Variants in AAMDC observed in about 807,000 individuals in gnomAD.
The protein encoded by AAMDC is adipogenesis associated Mth938 domain containing.
In AAMDC, 16 loss-of-function variants were observed where a neutral mutation model predicts 15.5. The observed-to-expected ratio is 1.03, with a 90% confidence interval of 0.70 to 1.57. AAMDC has a LOEUF of 1.57. AAMDC is among the 40% of genes most tolerant of loss of function. AAMDC has a pLI of 0.00. For missense variants in AAMDC, 141 were observed against 144.9 expected (o/e 0.97, Z 0.14); for synonymous variants, 51 against 51.6 (o/e 0.99, Z 0.05).
At chr11:77,845,119 A>T (rs1950088335) in intron 2 of AAMDC, among the ~76,000 whole-genome samples, 1 of 152,138 alleles carries the variant, frequency 6.6e-6, no homozygotes, top group African/African-American at 2.4e-5. Flanking sequence ...GAGCTTCATG[A>T]AGATGTAGAT....
At chr11:77,827,340 A>T (rs1259659611) in intron 1 of AAMDC, among the ~76,000 whole-genome samples, 1 of 152,188 alleles carries the variant, frequency 6.6e-6, no homozygotes, top group East Asian at 1.9e-4. Context: ...AAATATCACA[A>T]GGAAAGCCCA....
chr11:77,863,813 C>G (rs1950990398), intron 2 of AAMDC, among the ~76,000 whole-genome samples: 1 of 152,092 alleles, frequency 6.6e-6, no homozygotes, highest in Non-Finnish European at 1.5e-5. Flanking sequence ...CTCTGCCTAC[C>G]CCTATAACTC....
chr11:77,877,116 C>A, downstream of AAMDC: 1 of 689,902 alleles, frequency 1.4e-6, no homozygotes. Flanking sequence ...CTTTCGCACT[C>A]ATGACCTCGT....
intron 1 of AAMDC, among the ~76,000 whole-genome samples, chr11:77,828,126 C>T (rs943173791): frequency 6.6e-6 from 1 of 151,456 alleles, no homozygotes; most frequent in Non-Finnish European, 1.5e-5. Context: ...ATACAAAAAA[C>T]TAGCTGGGCA....
intron 5 of AAMDC, among the ~76,000 whole-genome samples, chr11:77,883,286 G>C (rs952197527): frequency 3.9e-5 from 6 of 152,244 alleles, no homozygotes; most frequent in African/African-American, 1.4e-4. Context: ...TCTGCAGACT[G>C]AGGTCTTCTT....
chr11:77,842,531 G>A lies in AAMDC; in HGVS notation c.35G>A (p.Gly12Glu), dbSNP rs1296609111. 1.2e-5 allele frequency: 19 copies of A among 1,613,804 alleles called. No individual in the cohort carries two copies. Among genetic ancestry groups the A allele is most frequent in the Non-Finnish European group, 6.8e-6 (8 of 1,179,992 alleles). Reference sequence around the variant, plus strand: ...CCTGAAATTGCTTCCTTATCATGGGGGCAAATGAAAGTAAAAGGCTCTAAT... The same window carrying A: ...CCTGAAATTGCTTCCTTATCATGGGAGCAAATGAAAGTAAAAGGCTCTAAT... ...TSPEIASLSW[G>E]QMKVKGSNTT... is the part of the protein sequence containing the mutation. Residue 12 changes from glycine (G) to glutamate (E), a missense_variant, in exon 2 of 4, where the codon GGG becomes GAG. Transcript: ENST00000393427.
chr11:77,873,619 T>C (rs1803754173), downstream of AAMDC, among the ~76,000 whole-genome samples: 1 of 152,198 alleles, frequency 6.6e-6, no homozygotes, highest in Non-Finnish European at 1.5e-5. Context: ...TTATGTTGTA[T>C]GAGAGAAAGA....
chr11:77,887,271 C>T (rs1401857243), intron 5 of AAMDC, among the ~76,000 whole-genome samples: 15 of 152,082 alleles, frequency 9.9e-5, no homozygotes, highest in East Asian at 3.9e-4. Flanking sequence ...GTTCAACATA[C>T]GAAAATCAAT....
At chr11:77,828,147 C>T (rs1015148256) in intron 1 of AAMDC, among the ~76,000 whole-genome samples, 1 of 151,938 alleles carries the variant, frequency 6.6e-6, no homozygotes, top group Non-Finnish European at 1.5e-5. Context: ...TGGTGATGCG[C>T]ACCTGTAATC....
At position 77,830,987 on chromosome 11, in the gene AAMDC, C is replaced by CAAAAAA. The variant is rs59283485; in HGVS notation, c.-19+9764_-19+9769dup. 1.5e-4 allele frequency among the ~76,000 whole-genome samples: 15 copies of CAAAAAA among 100,508 alleles called. 1 individual carries two copies. The highest frequency in any genetic ancestry group is 2.6e-4 in the Non-Finnish European group (13 of 49,294). The allele number at this position is 100,508 out of a possible 152,430, so 65.9% of individuals were successfully genotyped here. On this transcript the variant is annotated intron_variant, in intron 1 of 3. Coordinates refer to ENST00000393427, the MANE Select transcript of AAMDC (RefSeq NM_024684.4). ...GAGACCCTGTCTCTACAAAATATAC[C>CAAAAAA]AAAAAAAAAAAAAAAAAAAAAAATA...
intron 5 of AAMDC, among the ~76,000 whole-genome samples, chr11:77,878,367 A>C (rs1372969226): frequency 2.0e-5 from 3 of 152,096 alleles, no homozygotes; most frequent in African/African-American, 4.8e-5. Context: ...ATCTCAAAAA[A>C]AAAAAAAAAA....
At chr11:77,822,414 C>CAA (rs66463325) in intron 1 of AAMDC, among the ~76,000 whole-genome samples, 11,775 of 74,358 alleles carry the variant, frequency 0.16, 1,210 homozygotes, top group African/African-American at 0.23. Context: ...GACTCCACCT[C>CAA]AAAAAAAAAA....
intron 2 of AAMDC, among the ~76,000 whole-genome samples, chr11:77,860,704 G>C (rs1371327941): frequency 6.6e-6 from 1 of 152,218 alleles, no homozygotes; most frequent in Non-Finnish European, 1.5e-5. Context: ...GGTGAATTGA[G>C]ACATTGGGTT....
At chr11:77,841,375 C>A in intron 1 of AAMDC, 1 of 584,664 alleles carries the variant, frequency 1.7e-6, no homozygotes, top group East Asian at 2.8e-5. Context: ...AGAGTTTTTT[C>A]CTTGATTTTA....
At position 77,872,334 on chromosome 11, in the gene AAMDC, A is replaced by G. The variant is rs1314560681; in HGVS notation, c.*19A>G. 1.9e-6 allele frequency: 3 copies of G among 1,602,296 alleles called. No individual in the cohort carries two copies. The highest frequency in any genetic ancestry group is 2.6e-6 in the Non-Finnish European group (3 of 1,175,096). On this transcript the variant is annotated 3_prime_UTR_variant, in exon 4 of 4. Coordinates refer to ENST00000393427, the MANE Select transcript of AAMDC (RefSeq NM_024684.4). ...CTGCTGATGGAGCCTTAAGAGGAGA[A>G]TAAATCACTAAGTGCCTATGCCTGT...
chr11:77,904,846 T>G (rs1952894327), downstream of AAMDC, among the ~76,000 whole-genome samples: 1 of 152,176 alleles, frequency 6.6e-6, no homozygotes, highest in Admixed American at 6.5e-5. Context: ...TCATGTTAGT[T>G]GTATCATGTT....
chr11:77,876,100 A>C (rs1183742910), downstream of AAMDC, among the ~76,000 whole-genome samples: 2 of 152,142 alleles, frequency 1.3e-5, no homozygotes, highest in Admixed American at 6.5e-5. Context: ...GTATAAGAAG[A>C]GGACTAAGAA....
chr11:77,850,333 G>A lies in AAMDC; in HGVS notation c.132+7705G>A, dbSNP rs115391844. On this transcript the variant is annotated intron_variant, in intron 2 of 3. Coordinates refer to ENST00000393427, the MANE Select transcript of AAMDC (RefSeq NM_024684.4). ...ACCTAGTCAAATATAACTTTTCCAG[G>A]GTCACATAACTAATAATTTTTGGAA... is the stretch of plus-strand genomic sequence containing the variant. Among the ~76,000 whole-genome samples, 404 of 152,052 alleles carry A rather than the reference G, an allele frequency of 2.7e-3. 4 individuals are homozygous for A. Among genetic ancestry groups the A allele is most frequent in the African/African-American group, 9.3e-3 (387 of 41,472 alleles).
intron 2 of AAMDC, among the ~76,000 whole-genome samples, chr11:77,856,050 C>A (rs745426909): frequency 1.3e-5 from 2 of 152,066 alleles, no homozygotes; most frequent in Non-Finnish European, 2.9e-5. Context: ...GCCCAGGAGG[C>A]AGAGTTGCAG....
Sources: allele counts gnomAD v4.1 joint callset (sites outside exome capture counted in the v4.1 genomes callset), GRCh38; gene constraint gnomAD v4.1.1; transcripts MANE v1.5; gene names NCBI Gene and HGNC (gene_info 2026-07-23, HGNC 2026-07-21).